XKR9: variants seen among roughly 807,000 people sequenced by gnomAD.
The protein encoded by XKR9 is XK related 9.
XKR9 carries 32 observed loss-of-function variants against 32.0 expected under a neutral mutation model. The ratio of observed to expected loss-of-function variants is 1.00; its 90% confidence interval spans 0.76 to 1.34. The LOEUF is 1.34. Ranked by LOEUF, XKR9 falls within the 40% of genes most tolerant of loss-of-function variation. XKR9 has a pLI of 0.00. For synonymous variants in XKR9, 168 were observed against 143.4 expected, an observed-to-expected ratio of 1.17 and a Z score of -1.22; for missense variants, 546 against 429.7, an observed-to-expected ratio of 1.27 and a Z score of -2.39.
At chr8:70,738,460 T>A (rs1806903938), downstream of XKR9, among the ~76,000 whole-genome samples, 1 of 149,398 alleles carries the variant, frequency 6.7e-6, no homozygotes, top group Non-Finnish European at 1.5e-5. Context: ...TTTTTGTGTC[T>A]CTATTTCCTT....
At chr8:70,838,225 C>A in the XKR9 span, among the ~76,000 whole-genome samples, 1 of 151,970 alleles carries the variant, frequency 6.6e-6, no homozygotes, top group African/African-American at 2.4e-5. Flanking sequence ...CAGTGCAGAA[C>A]GATTTTATAA....
At chr8:70,717,597 T>C (rs1311453213) in intron 4 of XKR9, among the ~76,000 whole-genome samples, 3 of 152,148 alleles carry the variant, frequency 2.0e-5, no homozygotes, top group South Asian at 2.1e-4. Context: ...TGAGGCTGCA[T>C]AGAGCAGGGG....
the XKR9 span, among the ~76,000 whole-genome samples, chr8:70,796,684 A>G: frequency 6.6e-6 from 1 of 152,202 alleles, no homozygotes; most frequent in African/African-American, 2.4e-5. Context: ...TGTAAGGTAA[A>G]TTTAAAGAAA....
At chr8:70,747,652 G>C (rs28376252) in intron 2 of XKR9, among the ~76,000 whole-genome samples, 81,030 of 151,962 alleles carry the variant, frequency 0.53, 22,601 homozygotes, top group Middle Eastern at 0.62. Context: ...TATCCAGTTT[G>C]AGGTATTCTG....
chr8:70,837,767 T>C, the XKR9 span, among the ~76,000 whole-genome samples: 1 of 152,070 alleles, frequency 6.6e-6, no homozygotes, highest in Non-Finnish European at 1.5e-5. Context: ...AGAAGCAGTG[T>C]CCTCAAAGGA....
At chr8:71,017,791 CTT>C in the XKR9 span, among the ~76,000 whole-genome samples, 1 of 152,182 alleles carries the variant, frequency 6.6e-6, no homozygotes, top group African/African-American at 2.4e-5. Context: ...TTTGTCTTGA[CTT>C]TGTAGTGATG....
intron 4 of XKR9, among the ~76,000 whole-genome samples, chr8:70,724,748 T>C (rs1221341233): frequency 1.3e-5 from 2 of 152,136 alleles, no homozygotes; most frequent in African/African-American, 4.8e-5. Context: ...GGTACCTCAG[T>C]TGGAAATGCA....
intron 2 of XKR9, among the ~76,000 whole-genome samples, chr8:70,762,658 A>T (rs1421072956): frequency 2.6e-5 from 4 of 152,168 alleles, no homozygotes; most frequent in Non-Finnish European, 5.9e-5. Context: ...GTATTTTTTG[A>T]AAATAATAAT....
At chr8:70,853,877 A>G in the XKR9 span, among the ~76,000 whole-genome samples, 5 of 152,148 alleles carry the variant, frequency 3.3e-5, no homozygotes, top group Admixed American at 6.5e-5. Context: ...TTATGGCTGC[A>G]TAGTATTCCA....
At chr8:71,013,991 T>C in the XKR9 span, among the ~76,000 whole-genome samples, 1 of 152,256 alleles carries the variant, frequency 6.6e-6, no homozygotes, top group Non-Finnish European at 1.5e-5. Context: ...CCTGCCCCGA[T>C]GCCCCTGTGC....
At chr8:71,024,342 C>T in the XKR9 span, among the ~76,000 whole-genome samples, 2 of 152,156 alleles carry the variant, frequency 1.3e-5, no homozygotes, top group Non-Finnish European at 2.9e-5. Context: ...GTGCAGGACA[C>T]AGTGTGGACC....
the XKR9 span, among the ~76,000 whole-genome samples, chr8:71,045,660 C>T: frequency 3.9e-5 from 6 of 152,252 alleles, no homozygotes; most frequent in South Asian, 4.2e-4. Flanking sequence ...CCAGGGGAAG[C>T]GACCACAAGC....
the XKR9 span, among the ~76,000 whole-genome samples, chr8:71,018,375 T>TA: frequency 6.6e-6 from 1 of 152,196 alleles, no homozygotes; most frequent in Admixed American, 6.5e-5. Context: ...AAATGTGGTA[T>TA]AAGAGAGACA....
At chr8:70,979,433 CT>C in the XKR9 span, among the ~76,000 whole-genome samples, 1 of 152,082 alleles carries the variant, frequency 6.6e-6, no homozygotes, top group Non-Finnish European at 1.5e-5. Context: ...TGTGGATGTC[CT>C]TTTTGTTGAT....
the XKR9 span, among the ~76,000 whole-genome samples, chr8:71,050,676 G>A: frequency 6.6e-6 from 1 of 152,158 alleles, no homozygotes; most frequent in Non-Finnish European, 1.5e-5. Flanking sequence ...CTGAGGTTTT[G>A]AGAGGCTGGG....
the XKR9 span, among the ~76,000 whole-genome samples, chr8:70,880,211 C>T: frequency 6.6e-6 from 1 of 152,132 alleles, no homozygotes; most frequent in Non-Finnish European, 1.5e-5. Flanking sequence ...TGAAAACCGG[C>T]ACAAGACAGG....
chr8:70,818,593 T>G, the XKR9 span, among the ~76,000 whole-genome samples: 3 of 152,224 alleles, frequency 2.0e-5, no homozygotes, highest in Non-Finnish European at 4.4e-5. Flanking sequence ...GGATTCTTGA[T>G]AAATCTATGA....
chr8:70,868,331 C>A, the XKR9 span, among the ~76,000 whole-genome samples: 1 of 152,060 alleles, frequency 6.6e-6, no homozygotes, highest in African/African-American at 2.4e-5. Context: ...TCCATGAGGG[C>A]CCCACTCCTG....
At chr8:70,992,583 C>T in the XKR9 span, among the ~76,000 whole-genome samples, 1 of 152,194 alleles carries the variant, frequency 6.6e-6, no homozygotes, top group African/African-American at 2.4e-5. Flanking sequence ...GGATTATACA[C>T]ATTAATATCT....
Sources: allele counts gnomAD v4.1 joint callset (sites outside exome capture counted in the v4.1 genomes callset), GRCh38; gene constraint gnomAD v4.1.1; transcripts MANE v1.5; gene names NCBI Gene and HGNC (gene_info 2026-07-23, HGNC 2026-07-21).